The following TASP1 variants were observed in gnomAD, a reference collection of about 807,000 sequenced individuals.
The protein encoded by TASP1 is taspase 1.
TASP1 carries 16 observed loss-of-function variants against 56.6 expected under a neutral mutation model. That is an observed-to-expected ratio of 0.28 (90% CI 0.19 to 0.43). The LOEUF is 0.43. Among genes scored for constraint, TASP1 ranks in the 20% least tolerant of loss-of-function variants. The pLI is 1.00. For synonymous variants in TASP1, 179 were observed against 184.2 expected (o/e 0.97, Z 0.23); for missense variants, 393 against 511.6 (o/e 0.77, Z 2.24).
the TASP1 span, among the ~76,000 whole-genome samples, chr20:13,128,551 T>C: frequency 6.6e-6 from 1 of 152,160 alleles, no homozygotes; most frequent in Non-Finnish European, 1.5e-5. Flanking sequence ...GTGACTCTTA[T>C]CACCTTGCTT....
At chr20:13,344,094 G>A in the TASP1 span, among the ~76,000 whole-genome samples, 1 of 151,856 alleles carries the variant, frequency 6.6e-6, no homozygotes, top group Non-Finnish European at 1.5e-5. Context: ...CATTTTTTTA[G>A]AGAGCATTCT....
At chr20:13,574,364 TAAG>T (rs1319451015) in intron 6 of TASP1, among the ~76,000 whole-genome samples, 8 of 152,104 alleles carry the variant, frequency 5.3e-5, no homozygotes, top group Non-Finnish European at 1.0e-4. Context: ...GAATAAAATG[TAAG>T]AATAGTTTTT....
At chr20:13,326,703 G>A in the TASP1 span, among the ~76,000 whole-genome samples, 8 of 151,858 alleles carry the variant, frequency 5.3e-5, no homozygotes, top group African/African-American at 1.9e-4. Context: ...TTTTAAATTG[G>A]GTTGTTTACA....
chr20:13,469,527 A>G (rs147411125), intron 11 of TASP1, among the ~76,000 whole-genome samples: 2 of 152,286 alleles, frequency 1.3e-5, no homozygotes, highest in African/African-American at 4.8e-5. Context: ...TGCAGTAATA[A>G]AATTTTTTTC....
chr20:13,161,722 C>G, the TASP1 span, among the ~76,000 whole-genome samples: 1 of 151,892 alleles, frequency 6.6e-6, no homozygotes, highest in Non-Finnish European at 1.5e-5. Context: ...ACTTGATGTT[C>G]CATAGAGTAG....
intron 10 of TASP1, among the ~76,000 whole-genome samples, chr20:13,520,916 C>A (rs537383617): frequency 6.6e-6 from 1 of 151,964 alleles, no homozygotes; most frequent in Non-Finnish European, 1.5e-5. Flanking sequence ...TGAACTCCAA[C>A]AAATTTACAA....
chr20:13,564,269 C>T (rs985942270), intron 7 of TASP1, among the ~76,000 whole-genome samples: 2 of 151,964 alleles, frequency 1.3e-5, no homozygotes, highest in Admixed American at 1.3e-4. Flanking sequence ...ACTCAAAAAT[C>T]AGTTGCATTT....
the TASP1 span, among the ~76,000 whole-genome samples, chr20:13,223,118 C>T: frequency 6.6e-6 from 1 of 150,886 alleles, no homozygotes; most frequent in East Asian, 2.0e-4. Context: ...GATCGCGCCA[C>T]TGCACTCCAG....
At chr20:13,516,260 A>T (rs939450768) in intron 10 of TASP1, among the ~76,000 whole-genome samples, 19 of 152,260 alleles carry the variant, frequency 1.2e-4, no homozygotes, top group African/African-American at 4.3e-4. Flanking sequence ...CCTTGAGTCC[A>T]GCAAGGGCCA....
chr20:13,505,024 C>T (rs1161338035), intron 10 of TASP1, among the ~76,000 whole-genome samples: 1 of 151,704 alleles, frequency 6.6e-6, no homozygotes, highest in Non-Finnish European at 1.5e-5. Flanking sequence ...CAACTATATG[C>T]TATATACACT....
At chr20:13,635,990 T>TA (rs777354326) in intron 1 of TASP1, among the ~76,000 whole-genome samples, 6 of 152,282 alleles carry the variant, frequency 3.9e-5, no homozygotes, top group East Asian at 1.9e-4. Flanking sequence ...GCTGTGGTGT[T>TA]AAAGTTTTTC....
the TASP1 span, among the ~76,000 whole-genome samples, chr20:13,112,626 C>T: frequency 6.6e-6 from 1 of 152,202 alleles, no homozygotes; most frequent in Non-Finnish European, 1.5e-5. Flanking sequence ...AGAGTGAAGT[C>T]CCCACTTTCC....
intron 11 of TASP1, among the ~76,000 whole-genome samples, chr20:13,456,465 G>GA (rs1340076368): frequency 6.6e-6 from 1 of 151,818 alleles, no homozygotes; most frequent in Non-Finnish European, 1.5e-5. Context: ...CTATCCTAAA[G>GA]AAAAAAACCT....
the TASP1 span, among the ~76,000 whole-genome samples, chr20:13,298,772 G>A: frequency 1.3e-5 from 2 of 152,104 alleles, no homozygotes; most frequent in African/African-American, 4.8e-5. Context: ...GTGCCAGGGG[G>A]CTGCAGGGGT....
intron 4 of TASP1, among the ~76,000 whole-genome samples, chr20:13,615,908 T>C (rs2048507617): frequency 6.6e-6 from 1 of 152,092 alleles, no homozygotes; most frequent in Non-Finnish European, 1.5e-5. Flanking sequence ...AATCAAAAGG[T>C]AGTCTTTGAA....
At chr20:13,520,322 C>T (rs1354862554) in intron 10 of TASP1, among the ~76,000 whole-genome samples, 1 of 152,168 alleles carries the variant, frequency 6.6e-6, no homozygotes, top group Non-Finnish European at 1.5e-5. Context: ...CAAGTCAATC[C>T]TAAGCCAAAA....
At chr20:13,203,850 T>C in the TASP1 span, among the ~76,000 whole-genome samples, 1 of 152,220 alleles carries the variant, frequency 6.6e-6, no homozygotes, top group Non-Finnish European at 1.5e-5. Flanking sequence ...AGGGGCTGGC[T>C]GATTCAGAGT....
At chr20:13,177,083 T>C in the TASP1 span, among the ~76,000 whole-genome samples, 1 of 151,762 alleles carries the variant, frequency 6.6e-6, no homozygotes, top group African/African-American at 2.4e-5. Flanking sequence ...CTGCTAAAAA[T>C]AGAAAAAGTT....
the TASP1 span, chr20:13,117,475 T>C: frequency 1.3e-6 from 2 of 1,535,346 alleles, no homozygotes; most frequent in South Asian, 2.6e-5. Flanking sequence ...AGGGTATTTG[T>C]TAGTTATGAG....
Sources: gnomAD v4.1 joint callset for allele counts (sites outside exome capture counted in the v4.1 genomes callset) on GRCh38, gnomAD v4.1.1 for gene constraint, MANE v1.5 for transcripts, NCBI Gene and HGNC (gene_info 2026-07-23, HGNC 2026-07-21) for gene names.